The following EFHC1 variants were observed in gnomAD, a reference collection of about 807,000 sequenced individuals.
EFHC1 encodes EF-hand domain containing 1.
Under a neutral mutation model 69.9 loss-of-function variants are expected in EFHC1, and 53 were observed. The observed-to-expected ratio is 0.76, with a 90% CI of 0.61 to 0.95. EFHC1 has a LOEUF of 0.95. Among genes scored for constraint, EFHC1 ranks in the 40% least tolerant of loss-of-function variants. The probability of loss-of-function intolerance (pLI) is 0.00; values close to 1 mark genes in which losing one functional copy is unlikely to be tolerated. For synonymous variants in EFHC1, 256 were observed against 278.4 expected (o/e 0.92, Z 0.80); for missense variants, 739 against 798.7 (o/e 0.93, Z 0.90).
chr6:52,449,942 A>G (rs1028799513), intron 3 of EFHC1, among the ~76,000 whole-genome samples: 4 of 152,074 alleles, frequency 2.6e-5, no homozygotes, highest in African/African-American at 9.7e-5. Flanking sequence ...ATCGGCATTT[A>G]GTGCTATAAA....
At chr6:52,459,394 G>T (rs1196533670) in intron 5 of EFHC1, among the ~76,000 whole-genome samples, 1 of 152,100 alleles carries the variant, frequency 6.6e-6, no homozygotes, top group Non-Finnish European at 1.5e-5. Context: ...TAAAAAATAG[G>T]TAAAGGATTA....
At chr6:52,441,049 A>T (rs1049033989) in intron 3 of EFHC1, among the ~76,000 whole-genome samples, 1 of 152,084 alleles carries the variant, frequency 6.6e-6, no homozygotes, top group Non-Finnish European at 1.5e-5. Flanking sequence ...TGTCAGATGC[A>T]TAGTTTGCAA....
chr6:52,449,900 T>C (rs1764877846), intron 3 of EFHC1, among the ~76,000 whole-genome samples: 1 of 152,220 alleles, frequency 6.6e-6, no homozygotes, highest in African/African-American at 2.4e-5. Context: ...GTTGTGATAT[T>C]AGGTTGTTAA....
intron 3 of EFHC1, among the ~76,000 whole-genome samples, chr6:52,438,797 C>G (rs1395685793): frequency 6.6e-6 from 1 of 152,118 alleles, no homozygotes; most frequent in Non-Finnish European, 1.5e-5. Context: ...GATATTAATA[C>G]TTATTCACTC....
At chr6:52,467,647 G>A (rs1487172639) in intron 6 of EFHC1, among the ~76,000 whole-genome samples, 1 of 152,228 alleles carries the variant, frequency 6.6e-6, no homozygotes, top group African/African-American at 2.4e-5. Context: ...GTAGATTTTG[G>A]TTGGTTGTTT....
chr6:52,454,624 G>T (rs1764999399), intron 5 of EFHC1, among the ~76,000 whole-genome samples: 1 of 152,170 alleles, frequency 6.6e-6, no homozygotes, highest in Non-Finnish European at 1.5e-5. Flanking sequence ...TCAAGGATAT[G>T]AATGAAAGCT....
chr6:52,434,464 G>T (rs9395791), intron 2 of EFHC1, among the ~76,000 whole-genome samples: 34,721 of 152,114 alleles, frequency 0.23, 4,508 homozygotes, highest in East Asian at 0.61. Flanking sequence ...TCCTCAGTGG[G>T]GGTGTGTGTT....
chr6:52,473,340 C>T (rs1160018408), intron 7 of EFHC1, among the ~76,000 whole-genome samples: 1 of 152,214 alleles, frequency 6.6e-6, no homozygotes. Flanking sequence ...ACCTCCATCT[C>T]ACTCCAAAAG....
At chr6:52,491,869 A>G (rs1304680622) in intron 10 of EFHC1, among the ~76,000 whole-genome samples, 1 of 152,222 alleles carries the variant, frequency 6.6e-6, no homozygotes, top group Non-Finnish European at 1.5e-5. Context: ...GTCTAATCAC[A>G]AGAAACACTT....
At position 52,443,444 on chromosome 6, in the gene EFHC1, CA is replaced by C. The variant is rs888501132; in HGVS notation, c.573+4854del. Among the ~76,000 whole-genome samples, 757 of 152,180 alleles carry C rather than the reference CA, an allele frequency of 5.0e-3. 5 individuals carry two copies. Among genetic ancestry groups the C allele is most frequent in the African/African-American group, 0.017 (708 of 41,498 alleles). ...AGGTCTAACATTTAAGTCTTTAATC[CA>C]TCTTGAATTAATTTTTGTATAAGGT... On this transcript the variant is annotated intron_variant, in intron 3 of 10. Coordinates refer to ENST00000371068, the MANE Select transcript of EFHC1 (RefSeq NM_018100.4).
rs1766064462 is a variant in EFHC1 at position 52,496,459 on chromosome 6, T to TATC, written c.*4119_*4121dup. On this transcript the variant is annotated 3_prime_UTR_variant, in exon 11 of 11. Transcript: ENST00000371068. The stretch of plus-strand genomic sequence containing the variant: ...ATCCAATTAAGGTGTATCAAATCCA[T>TATC]ATCTATAGGCTTTGAGGGTATTTGG... 1 of 152,304 alleles carries TATC rather than the reference T, an allele frequency of 6.6e-6. No homozygotes were observed. The highest frequency in any genetic ancestry group is 3.4e-3 in the Middle Eastern group (1 of 294). 9.4% of individuals were successfully genotyped at this position (152,304 alleles called of 1,614,324 possible).
chr6:52,457,648 G>A (rs973468574), intron 5 of EFHC1, among the ~76,000 whole-genome samples: 1 of 152,114 alleles, frequency 6.6e-6, no homozygotes, highest in African/African-American at 2.4e-5. Flanking sequence ...TTACCAATAG[G>A]TGGCAGGTAA....
rs570001551 is a variant in EFHC1 at position 52,422,309 on chromosome 6, G to A, written c.64-1637G>A. Among the ~76,000 whole-genome samples the A allele has an allele frequency of 1.1e-4, 16 of 152,270 alleles. No individual in the cohort carries two copies. The South Asian group carries it at 3.3e-3, about 32-fold the overall frequency. ...GATGTTGCTTCTGTCTTTGGTGGTGGAAGAAGAGCTTGAAGTTCCATAAAT... is the reference window on the plus strand; with the variant it reads ...GATGTTGCTTCTGTCTTTGGTGGTGAAAGAAGAGCTTGAAGTTCCATAAAT... On this transcript the variant is annotated intron_variant, in intron 1 of 10. Transcript: ENST00000371068.
At chr6:52,483,154 C>T (rs538339932) in intron 9 of EFHC1, 1 of 301,198 alleles carries the variant, frequency 3.3e-6, no homozygotes, top group Admixed American at 5.0e-5. Context: ...GACTAAAGTC[C>T]TGACAGATAA....
At position 52,438,564 on chromosome 6, in the gene EFHC1, C is replaced by T. The variant is rs377349630; in HGVS notation, c.546C>T (p.Arg182=). Residue 182 remains arginine (R), a synonymous_variant, in exon 3 of 11, where the codon CGC becomes CGT. Transcript: ENST00000371068. ...TCACAATTTATGGCAAAACTTTCCG[C>T]GTTGTTGACTGTGACCAATTCACAC... The part of the protein sequence containing the change: ...INITIYGKTF[R]VVDCDQFTQV... 68 of 1,613,926 alleles carry T rather than the reference C, an allele frequency of 4.2e-5. No homozygotes were observed. The highest frequency in any genetic ancestry group is 4.7e-5 in the Non-Finnish European group (56 of 1,179,896).
chr6:52,464,810 T>C, intron 5 of EFHC1, 85 bp from the exon 6 acceptor site: 1 of 1,214,990 alleles, frequency 8.2e-7, no homozygotes, highest in Non-Finnish European at 1.2e-6. Context: ...CCTCAGGTTC[T>C]CAAGAATGCC....
At position 52,465,126 on chromosome 6, in the gene EFHC1, A is replaced by G; in HGVS notation, c.1137+11A>G. On this transcript the variant is annotated intron_variant, in intron 6 of 10. Transcript: ENST00000371068. The stretch of plus-strand genomic sequence containing the variant: ...CCTCCAGTAAAACAGGTAATCAGAT[A>G]GTACTTCTTAGTGTGGTGAGAAAAC... 1 of 1,610,352 alleles carries G rather than the reference A, an allele frequency of 6.2e-7. No homozygotes were observed. The highest frequency in any genetic ancestry group is 8.5e-7 in the Non-Finnish European group (1 of 1,178,106).
intron 4 of EFHC1, 160 bp downstream of exon 4, chr6:52,452,997 T>C (rs1423810121): frequency 6.4e-7 from 1 of 1,554,270 alleles, no homozygotes; most frequent in East Asian, 2.4e-5. Flanking sequence ...TCATCAAGGG[T>C]TACAGGTACA....
At chr6:52,430,623 A>T (rs1359724769) in intron 2 of EFHC1, among the ~76,000 whole-genome samples, 1 of 152,138 alleles carries the variant, frequency 6.6e-6, no homozygotes, top group Non-Finnish European at 1.5e-5. Flanking sequence ...TATTTTGTTA[A>T]GGATTTTAGC....
Sources: gnomAD v4.1 joint callset for allele counts (sites outside exome capture counted in the v4.1 genomes callset) on GRCh38, gnomAD v4.1.1 for gene constraint, MANE v1.5 for transcripts, NCBI Gene and HGNC (gene_info 2026-07-23, HGNC 2026-07-21) for gene names.